TNS3: variants seen among roughly 807,000 people sequenced by gnomAD.
The protein encoded by TNS3 is tensin 3, also known as tensin-3.
A neutral mutation model predicts 140.9 loss-of-function variants in TNS3; 45 were observed. The ratio of observed to expected loss-of-function variants is 0.32; its 90% CI spans 0.25 to 0.41. The LOEUF (loss-of-function observed/expected upper bound fraction) is 0.41, where lower values mean the gene tolerates loss of function less well. TNS3 is among the 10% of genes least tolerant of loss of function. The probability of loss-of-function intolerance (pLI) is 1.00; values close to 1 mark genes in which losing one functional copy is unlikely to be tolerated. For missense variants in TNS3, 1,716 were observed against 1,906.7 expected, an observed-to-expected ratio of 0.90 and a Z score of 1.86; for synonymous variants, 815 against 788.4, an observed-to-expected ratio of 1.03 and a Z score of -0.56.
rs2151342438 is a variant in TNS3 at position 47,400,474 on chromosome 7, T to C, written c.854-16A>G. ...AAACGGTCATCTGAAAAAAACAATG[T>C]ATTTTAACACATTTGTGGAGACAAT... On this transcript the variant is annotated splice_polypyrimidine_tract_variant and intron_variant, in intron 14 of 30. Transcript: ENST00000311160. The C allele has an allele frequency of 1.9e-6, 3 of 1,613,020 alleles. No individual in the cohort carries two copies. Among genetic ancestry groups the C allele is most frequent in the Non-Finnish European group, 1.7e-6 (2 of 1,178,994 alleles).
chr7:47,417,806 C>T (rs969827467), intron 10 of TNS3, among the ~76,000 whole-genome samples: 6 of 152,046 alleles, frequency 3.9e-5, no homozygotes, highest in African/African-American at 1.4e-4. Flanking sequence ...TAAAAGCATG[C>T]CTTTAAAAAA....
intron 27 of TNS3, among the ~76,000 whole-genome samples, chr7:47,290,558 C>A (rs1785639542): frequency 6.6e-6 from 1 of 152,156 alleles, no homozygotes; most frequent in Non-Finnish European, 1.5e-5. Context: ...GGACACCTCA[C>A]CAAAGAAGAT....
intron 17 of TNS3, among the ~76,000 whole-genome samples, chr7:47,363,138 ATCATCACCATCATCATCATCAG>A (rs1222144999): frequency 4.1e-5 from 3 of 73,468 alleles, no homozygotes; most frequent in African/African-American, 1.2e-4. Context: ...CATCACTGTC[ATCATCACCATCATCATCATCAG>A]TCATCACCAT....
intron 30 of TNS3, chr7:47,279,944 T>C: frequency 1.6e-6 from 1 of 608,464 alleles, no homozygotes; most frequent in Non-Finnish European, 2.9e-6. Flanking sequence ...ATATGACACA[T>C]GTAAATATTG....
chr7:47,292,849 T>G lies in TNS3; in HGVS notation c.3829A>C (p.Lys1277Gln). 6.2e-7 allele frequency: 1 copy of G among 1,614,184 alleles called. No homozygotes were observed. Among genetic ancestry groups the G allele is most frequent in the Non-Finnish European group, 8.5e-7 (1 of 1,180,034 alleles). ...TTACCTCTCTCTGGGATAAGCAGCT[T>G]GCACGGCAAGGCCAAGGGCGTGATG... is the stretch of plus-strand genomic sequence containing the variant. Reference protein sequence around the residue: ...HSITPLALPCKLLIPERDPLE... With the variant: ...HSITPLALPCQLLIPERDPLE... The change falls in exon 26 of 31, where the codon AAG (lysine) becomes CAG (glutamine). Residue 1277 changes from lysine (K) to glutamine (Q), a missense_variant. Coordinates refer to ENST00000311160, the MANE Select transcript of TNS3 (RefSeq NM_022748.12).
At chr7:47,429,932 G>C (rs1020135969) in intron 8 of TNS3, among the ~76,000 whole-genome samples, 25 of 152,048 alleles carry the variant, frequency 1.6e-4, no homozygotes, top group Non-Finnish European at 2.8e-4. Flanking sequence ...CTGAATCCTG[G>C]CACGTGCAAT....
chr7:47,546,212 T>C (rs757034853), intron 1 of TNS3, among the ~76,000 whole-genome samples: 1 of 152,202 alleles, frequency 6.6e-6, no homozygotes, highest in Non-Finnish European at 1.5e-5. Flanking sequence ...GATGATCAAA[T>C]TGCAACCGAC....
At chr7:47,483,000 G>A (rs113958851) in intron 3 of TNS3, among the ~76,000 whole-genome samples, 24 of 152,192 alleles carry the variant, frequency 1.6e-4, no homozygotes, top group South Asian at 6.2e-4. Flanking sequence ...ATGGACGCAC[G>A]TCATTCTGCA....
chr7:47,533,281 G>A (rs1310461231), intron 1 of TNS3, among the ~76,000 whole-genome samples: 2 of 150,568 alleles, frequency 1.3e-5, no homozygotes, highest in African/African-American at 4.9e-5. Flanking sequence ...ACAGGCACCC[G>A]CCACCATGCC....
intron 27 of TNS3, among the ~76,000 whole-genome samples, chr7:47,289,195 C>T (rs116609608): frequency 4.1e-4 from 62 of 152,270 alleles, no homozygotes; most frequent in African/African-American, 1.5e-3. Flanking sequence ...AATGCCTATA[C>T]ATTTCATACA....
chr7:47,406,035 C>T (rs185701798), intron 13 of TNS3, among the ~76,000 whole-genome samples: 19 of 152,300 alleles, frequency 1.2e-4, no homozygotes, highest in Admixed American at 6.5e-4. Context: ...CCCTGCCAGA[C>T]TCCTGATGAG....
At chr7:47,406,796 T>C (rs1031251116) in intron 13 of TNS3, among the ~76,000 whole-genome samples, 10 of 152,202 alleles carry the variant, frequency 6.6e-5, no homozygotes, top group African/African-American at 2.4e-4. Flanking sequence ...CTGTAACTTC[T>C]TCCCCCACTA....
At chr7:47,544,361 G>A (rs1163757001) in intron 1 of TNS3, among the ~76,000 whole-genome samples, 5 of 152,120 alleles carry the variant, frequency 3.3e-5, no homozygotes, top group Non-Finnish European at 7.4e-5. Context: ...CCACAGCTAC[G>A]GGCTCTCTGT....
At chr7:47,426,013 C>A (rs1378662913) in intron 9 of TNS3, among the ~76,000 whole-genome samples, 2 of 151,550 alleles carry the variant, frequency 1.3e-5, no homozygotes, top group African/African-American at 4.8e-5. Context: ...TGGAAGCAAC[C>A]TAAATTACAA....
chr7:47,448,869 A>C (rs1704977), intron 4 of TNS3, among the ~76,000 whole-genome samples: 1 of 151,654 alleles, frequency 6.6e-6, no homozygotes, highest in Non-Finnish European at 1.5e-5. Flanking sequence ...ATGAAATCTG[A>C]AATCAGACAG....
intron 25 of TNS3, among the ~76,000 whole-genome samples, chr7:47,293,190 T>C (rs1313239424): frequency 6.6e-6 from 1 of 152,232 alleles, no homozygotes; most frequent in East Asian, 1.9e-4. Context: ...GGATCTTGAA[T>C]CAGGAGGGTT....
At position 47,388,914 on chromosome 7, in the gene TNS3, A is replaced by AGGGAGG. The variant is rs147262573; in HGVS notation, c.1024+7885_1024+7886insCCTCCC. Among the ~76,000 whole-genome samples the AGGGAGG allele has an allele frequency of 3.4e-4, 51 of 149,398 alleles. 4 individuals are homozygous for AGGGAGG. In the East Asian group the frequency reaches 9.8e-3, roughly 29 times the overall value. ...GAAGAAGAAAGAAGAAGAAGGGGAG[A>AGGGAGG]GGGAGAGGGAGGAGAAGAGAAGAAG... On this transcript the variant is annotated intron_variant, in intron 16 of 30. Coordinates refer to ENST00000311160, the MANE Select transcript of TNS3 (RefSeq NM_022748.12).
At chr7:47,470,312 A>G in intron 4 of TNS3, 1 of 415,416 alleles carries the variant, frequency 2.4e-6, no homozygotes, top group Non-Finnish European at 3.2e-6. Flanking sequence ...ATACACATGT[A>G]CACTCTATAT....
chr7:47,348,889 G>A (rs1789503048), intron 17 of TNS3, among the ~76,000 whole-genome samples: 5 of 152,220 alleles, frequency 3.3e-5, no homozygotes, highest in South Asian at 2.1e-4. Flanking sequence ...AACAGGGTCC[G>A]AAAAGGAATT....
Sources: gnomAD v4.1 joint callset for allele counts (sites outside exome capture counted in the v4.1 genomes callset) on GRCh38, gnomAD v4.1.1 for gene constraint, MANE v1.5 for transcripts, NCBI Gene and HGNC (gene_info 2026-07-23, HGNC 2026-07-21) for gene names.